CPNE4: variants seen among roughly 807,000 people sequenced by gnomAD.
CPNE4 encodes copine 4.
CPNE4 carries 25 observed loss-of-function variants against 67.9 expected under a neutral mutation model. The ratio of observed to expected loss-of-function variants is 0.37; its 90% CI spans 0.27 to 0.51. The LOEUF (loss-of-function observed/expected upper bound fraction) is 0.51, where lower values mean the gene tolerates loss of function less well. Ranked by LOEUF, CPNE4 falls within the 20% of genes least tolerant of loss-of-function variation. The pLI, the probability that CPNE4 is intolerant of heterozygous loss-of-function variation, is 0.93. For missense variants in CPNE4, 464 were observed against 690.8 expected (o/e 0.67, Z 3.68); for synonymous variants, 242 against 244.9 (o/e 0.99, Z 0.11).
rs548101355 is a variant in CPNE4, at chr3:131,743,856, G to C, written c.181-20231C>G. Among the ~76,000 whole-genome samples, 41 of 149,938 alleles carry C rather than the reference G, an allele frequency of 2.7e-4. 2 individuals carry two copies. The South Asian group carries it at 4.6e-3, about 17-fold the overall frequency. On this transcript the variant is annotated intron_variant, in intron 2 of 15. Coordinates refer to ENST00000429747, the MANE Select transcript of CPNE4 (RefSeq NM_130808.3). ...CGGGCGCCTGTAGTCCCAGCTACTCGGGAGGCTGAGGCAGGAGAATGGCGT... is the reference window on the plus strand; with the variant it reads ...CGGGCGCCTGTAGTCCCAGCTACTCCGGAGGCTGAGGCAGGAGAATGGCGT...
intron 6 of CPNE4, among the ~76,000 whole-genome samples, chr3:131,676,490 C>T (rs1453870473): frequency 1.3e-5 from 2 of 152,072 alleles, no homozygotes; most frequent in African/African-American, 2.4e-5. Context: ...AGGTATTAAG[C>T]CTAGTATCCA....
intron 2 of CPNE4, among the ~76,000 whole-genome samples, chr3:131,757,818 G>T (rs1451376438): frequency 2.0e-5 from 3 of 152,166 alleles, no homozygotes; most frequent in Non-Finnish European, 4.4e-5. Context: ...GGTGCCCTGT[G>T]TCCCAACCAC....
intron 2 of CPNE4, among the ~76,000 whole-genome samples, chr3:131,815,910 T>C (rs987542461): frequency 1.3e-5 from 2 of 152,200 alleles, no homozygotes; most frequent in African/African-American, 4.8e-5. Flanking sequence ...TAGCATAACA[T>C]TGCTACTTGT....
At chr3:131,898,504 A>T (rs115701139) in intron 2 of CPNE4, among the ~76,000 whole-genome samples, 3,691 of 152,236 alleles carry the variant, frequency 0.024, 161 homozygotes, top group African/African-American at 0.084. Context: ...GGCAACACAG[A>T]TTTCAATTCA....
intron 8 of CPNE4, among the ~76,000 whole-genome samples, chr3:131,584,104 T>G (rs567516190): frequency 6.6e-6 from 1 of 151,958 alleles, no homozygotes; most frequent in Non-Finnish European, 1.5e-5. Flanking sequence ...GAATCATAAC[T>G]CCCACAGGAA....
rs940073302 is a variant in CPNE4, at chr3:131,849,237, T to C, written c.180+56027A>G. Among the ~76,000 whole-genome samples the C allele has an allele frequency of 6.6e-5, 10 of 152,110 alleles. No individual in the cohort carries two copies. The East Asian group carries it at 1.9e-3, about 29-fold the overall frequency. ...TGTCACTTCCTTTGTCCATAGAATA[T>C]AGCAGAAGGGATTGTGTATTAGTCC... On this transcript the variant is annotated intron_variant, in intron 2 of 15. Coordinates refer to ENST00000429747, the MANE Select transcript of CPNE4 (RefSeq NM_130808.3).
intron 2 of CPNE4, among the ~76,000 whole-genome samples, chr3:131,798,192 C>T (rs560566503): frequency 2.6e-5 from 4 of 152,242 alleles, no homozygotes; most frequent in African/African-American, 9.6e-5. Flanking sequence ...AGGGGGAACA[C>T]ATTCAGTCTA....
At chr3:131,913,388 A>T (rs2089059317) in intron 1 of CPNE4, among the ~76,000 whole-genome samples, 2 of 152,192 alleles carry the variant, frequency 1.3e-5, no homozygotes, top group African/African-American at 2.4e-5. Context: ...ACTGGTAAGG[A>T]AAGAATGCCT....
chr3:131,595,867 A>G (rs974034261), intron 7 of CPNE4, among the ~76,000 whole-genome samples: 1 of 152,196 alleles, frequency 6.6e-6, no homozygotes, highest in Non-Finnish European at 1.5e-5. Flanking sequence ...CATTATGTTA[A>G]GTGAACTAAA....
chr3:131,781,725 A>C (rs983271699), intron 2 of CPNE4, among the ~76,000 whole-genome samples: 3 of 152,176 alleles, frequency 2.0e-5, no homozygotes, highest in Non-Finnish European at 2.9e-5. Flanking sequence ...ACTATCTTAC[A>C]AACTTTGGGG....
intron 2 of CPNE4, among the ~76,000 whole-genome samples, chr3:131,860,259 T>C (rs75695002): frequency 0.018 from 2,782 of 152,290 alleles, 79 homozygotes; most frequent in African/African-American, 0.062. Context: ...GAGTTAGTAG[T>C]TTAGTTATTG....
intron 7 of CPNE4, among the ~76,000 whole-genome samples, chr3:131,599,604 T>G (rs1365762644): frequency 6.6e-6 from 1 of 152,200 alleles, no homozygotes; most frequent in Admixed American, 6.5e-5. Flanking sequence ...TACATAGATG[T>G]AATTCCAGAA....
intron 1 of CPNE4, among the ~76,000 whole-genome samples, chr3:131,955,279 T>C (rs552796800): frequency 9.2e-5 from 14 of 152,166 alleles, no homozygotes; most frequent in African/African-American, 2.9e-4. Flanking sequence ...TTCACTGCTA[T>C]GTATTTCATC....
intron 1 of CPNE4, among the ~76,000 whole-genome samples, chr3:131,970,794 G>T (rs958474918): frequency 7.2e-5 from 11 of 152,288 alleles, no homozygotes; most frequent in Admixed American, 3.3e-4. Flanking sequence ...ATGTGTAGGG[G>T]TTAGTGGAGG....
intron 7 of CPNE4, chr3:131,620,450 T>C (rs966676804): frequency 3.0e-6 from 3 of 985,190 alleles, no homozygotes; most frequent in East Asian, 1.1e-4. Flanking sequence ...TTACTCACCA[T>C]GTTCAGCATA....
chr3:131,790,872 C>G (rs1434844862), intron 2 of CPNE4, among the ~76,000 whole-genome samples: 1 of 152,134 alleles, frequency 6.6e-6, no homozygotes, highest in Non-Finnish European at 1.5e-5. Flanking sequence ...TTATTTTCCT[C>G]ATAGAATTTT....
intron 2 of CPNE4, among the ~76,000 whole-genome samples, chr3:131,784,672 G>A (rs2083511340): frequency 1.3e-5 from 2 of 152,096 alleles, no homozygotes; most frequent in Non-Finnish European, 2.9e-5. Context: ...GATGCCCATA[G>A]TAGTAACAGT....
At chr3:131,777,159 G>C (rs1157369591) in intron 2 of CPNE4, among the ~76,000 whole-genome samples, 1 of 152,028 alleles carries the variant, frequency 6.6e-6, no homozygotes, top group Non-Finnish European at 1.5e-5. Context: ...GTTATCTTAT[G>C]GTTAAAGTGG....
intron 1 of CPNE4, among the ~76,000 whole-genome samples, chr3:131,972,679 T>C (rs1486158685): frequency 6.6e-6 from 1 of 152,160 alleles, no homozygotes; most frequent in Admixed American, 6.5e-5. Flanking sequence ...TACAGAGCTC[T>C]AAATGGCTCT....
Sources: gnomAD v4.1 joint callset for allele counts (sites outside exome capture counted in the v4.1 genomes callset) on GRCh38, gnomAD v4.1.1 for gene constraint, MANE v1.5 for transcripts, NCBI Gene and HGNC (gene_info 2026-07-23, HGNC 2026-07-21) for gene names.